Variants in SHROOM2 observed in about 807,000 individuals in gnomAD.
The protein encoded by SHROOM2 is protein Shroom2.
SHROOM2 carries 33 observed loss-of-function variants against 75.9 expected under a neutral mutation model. The observed-to-expected ratio is 0.43, with a 90% CI of 0.33 to 0.58. The LOEUF (loss-of-function observed/expected upper bound fraction) is 0.58, where lower values mean the gene tolerates loss of function less well. Among genes scored for constraint, SHROOM2 ranks in the 20% least tolerant of loss-of-function variants. SHROOM2 has a pLI of 0.04. For missense variants in SHROOM2, 1,434 were observed against 1,461.2 expected (o/e 0.98, Z 0.30); for synonymous variants, 655 against 663.6 (o/e 0.99, Z 0.20).
chrX:9,854,552 T>C (rs2084056721), intron 1 of SHROOM2, among the ~76,000 whole-genome samples: 1 of 112,484 alleles, frequency 8.9e-6, no homozygotes, highest in Admixed American at 9.4e-5. Context: ...ATTCCAGCCC[T>C]GCTGTTCTTG....
In SHROOM2 at chrX:9,930,515, A is replaced by G. The variant is rs1171374810; in HGVS notation, c.2892-1660A>G. Among the ~76,000 whole-genome samples, 11 of 102,608 alleles carry G rather than the reference A, an allele frequency of 1.1e-4. No individual in the cohort carries two copies. In the East Asian group the frequency reaches 1.4e-3, roughly 13 times the overall value. 89.1% of individuals were successfully genotyped at this position (102,608 alleles called of 115,157 possible). A position where few individuals can be genotyped will look rare whatever the true frequency, so the allele number is the denominator to read the frequency against. On this transcript the variant is annotated intron_variant, in intron 5 of 9. Transcript: ENST00000380913. ...GAGTAAGACCCTGTCTCAAAAAAAA[A>G]AAAAGAAAAGAAAGAAAGAAAGAAA... is the stretch of plus-strand genomic sequence containing the variant.
chrX:9,939,515 T>C, intron 8 of SHROOM2, 149 bp downstream of exon 8: 2 of 448,486 alleles, frequency 4.5e-6, no homozygotes, highest in South Asian at 1.0e-4. Flanking sequence ...GAATTTGAGG[T>C]GATATTAGTG....
chrX:9,837,974 G>C (rs1291649009), intron 1 of SHROOM2, among the ~76,000 whole-genome samples: 1 of 110,549 alleles, frequency 9.0e-6, no homozygotes, highest in Admixed American at 9.7e-5. Context: ...CTGGAATTGG[G>C]TGGTCCTGGA....
intron 1 of SHROOM2, among the ~76,000 whole-genome samples, chrX:9,857,770 C>T (rs766177824): frequency 4.5e-5 from 5 of 111,051 alleles, no homozygotes; most frequent in Admixed American, 9.5e-5. Flanking sequence ...CCCGAAATTC[C>T]AGATTTTCAG....
intron 1 of SHROOM2, among the ~76,000 whole-genome samples, chrX:9,851,290 TGA>T (rs1320174065): frequency 9.0e-6 from 1 of 111,198 alleles, no homozygotes; most frequent in East Asian, 2.8e-4. Context: ...ATTATAGGTG[TGA>T]GCCACCATGC....
chrX:9,877,271 GT>G (rs2084206058), intron 2 of SHROOM2, among the ~76,000 whole-genome samples: 2 of 111,713 alleles, frequency 1.8e-5, no homozygotes, highest in Admixed American at 9.5e-5. Flanking sequence ...GCCCAGGGCA[GT>G]GGGAGCTGGA....
chrX:9,834,296 G>A (rs978653805), intron 1 of SHROOM2, among the ~76,000 whole-genome samples: 2 of 112,418 alleles, frequency 1.8e-5, no homozygotes, highest in Non-Finnish European at 3.8e-5. Flanking sequence ...CTGTCAGGAG[G>A]AGGTGGTGTC....
At position 9,937,164 on chromosome X, in the gene SHROOM2, G is replaced by A. The variant is rs150051019; in HGVS notation, c.3618G>A (p.Thr1206=). 29 of 1,198,825 alleles carry A rather than the reference G, an allele frequency of 2.4e-5. No individual in the cohort carries two copies. In the East Asian group the frequency reaches 4.5e-4, roughly 19 times the overall value. ...RIERVMDNNT[T]VKMVPIKIVH... ...AGCGGGTGATGGACAACAACACCAC[G>A]GTGAAGATGGTGCCCATCAAGATCG... The change falls in exon 7 of 10, where the codon ACG becomes ACA. Residue 1206 remains threonine (T), a synonymous_variant. Transcript: ENST00000380913.
chrX:9,908,195 C>A (rs1186039571), intron 5 of SHROOM2, among the ~76,000 whole-genome samples: 1 of 112,729 alleles, frequency 8.9e-6, no homozygotes, highest in Non-Finnish European at 1.9e-5. Context: ...CAGGAGCACG[C>A]AGGATGCTGG....
chrX:9,874,435 A>C (rs937864637), intron 2 of SHROOM2, among the ~76,000 whole-genome samples: 1 of 112,413 alleles, frequency 8.9e-6, no homozygotes, highest in Non-Finnish European at 1.9e-5. Context: ...CTTGGTTTTA[A>C]AGTTGGCTTA....
At chrX:9,927,389 A>AG (rs2084606040) in intron 5 of SHROOM2, among the ~76,000 whole-genome samples, 1 of 81,269 alleles carries the variant, frequency 1.2e-5, no homozygotes, top group Non-Finnish European at 2.4e-5. Flanking sequence ...AAAAAAAAAA[A>AG]GTAGGTGAGG....
intron 8 of SHROOM2, among the ~76,000 whole-genome samples, chrX:9,943,909 C>T (rs989224336): frequency 2.7e-5 from 3 of 110,493 alleles, no homozygotes; most frequent in Admixed American, 9.6e-5. Context: ...AGGCCAGGCC[C>T]GGTGGCTCAC....
intron 5 of SHROOM2, among the ~76,000 whole-genome samples, chrX:9,926,669 G>A (rs928236832): frequency 1.8e-5 from 2 of 111,937 alleles, no homozygotes; most frequent in African/African-American, 6.5e-5. Flanking sequence ...TACAGATTGT[G>A]CACATGGGTG....
rs766531070 is a variant in SHROOM2 at position 9,846,154 on chromosome X, C to T, written c.166-27498C>T. ...TTGGTTTTTGAGACAGGATCTCACTCTGTTGCCCAGGCTGGAGTACAGTGG... is the reference window on the plus strand; with the variant it reads ...TTGGTTTTTGAGACAGGATCTCACTTTGTTGCCCAGGCTGGAGTACAGTGG... On this transcript the variant is annotated intron_variant, in intron 1 of 9. Coordinates refer to ENST00000380913, the MANE Select transcript of SHROOM2 (RefSeq NM_001649.4). 5.5e-5 allele frequency among the ~76,000 whole-genome samples: 6 copies of T among 109,835 alleles called. No individual in the cohort carries two copies. The East Asian group carries it at 1.7e-3, about 31-fold the overall frequency.
chrX:9,894,653 G>A lies in SHROOM2; in HGVS notation c.745G>A (p.Gly249Ser). ...VGLWEAPRQG[G>S]RQAQAAGDPQ... ...CCTCTGGGAGGCTCCCAGGCAGGGT[G>A]GCCGGCAGGCCCAGGCCGCAGGCGA... Residue 249 changes from glycine to serine, a missense_variant, in exon 4 of 10, where the codon GGC becomes AGC. Around this residue, in one of 3 missense-constraint regions of SHROOM2, gnomAD observed 1,340 missense variants for 1,338.3 expected, o/e 1.00. Transcript: ENST00000380913. 8.3e-7 allele frequency: 1 copy of A among 1,211,603 alleles called. No individual in the cohort carries two copies.
intron 2 of SHROOM2, among the ~76,000 whole-genome samples, chrX:9,882,510 T>G (rs950562871): frequency 2.7e-5 from 3 of 111,749 alleles, no homozygotes; most frequent in Admixed American, 9.5e-5. Context: ...TTTCCTTTTC[T>G]TTCCAACAGT....
At chrX:9,797,295 G>A in intron 1 of SHROOM2, among the ~76,000 whole-genome samples, 1 of 112,536 alleles carries the variant, frequency 8.9e-6, no homozygotes, top group Admixed American at 9.4e-5. Flanking sequence ...GAGTTCATCA[G>A]CGTGGATCCC....
chrX:9,927,306 C>T (rs756135747), intron 5 of SHROOM2, among the ~76,000 whole-genome samples: 2 of 94,595 alleles, frequency 2.1e-5, no homozygotes. Flanking sequence ...CCCGTGATCA[C>T]GCTGCTGCAC....
rs1201025766 is a variant in SHROOM2 at position 9,894,688 on chromosome X, C to T, written c.780C>T (p.Gly260=). 1 of 1,210,123 alleles carries T rather than the reference C, an allele frequency of 8.3e-7. No individual in the cohort carries two copies. The change falls in exon 4 of 10, where the codon GGC becomes GGT. Residue 260 remains glycine, a synonymous_variant. Transcript: ENST00000380913. ...RQAQAAGDPQ[G]SEEKLSCFPP... ...CCCAGGCCGCAGGCGACCCTCAGGG[C>T]TCGGAGGAGAAGCTCAGTTGTTTCC... is the stretch of plus-strand genomic sequence containing the variant.
Sources: gnomAD v4.1 joint callset for allele counts (sites outside exome capture counted in the v4.1 genomes callset) on GRCh38, gnomAD v4.1.1 for gene constraint, gnomAD v4.1.1 regional missense constraint, MANE v1.5 for transcripts, NCBI Gene and HGNC (gene_info 2026-07-23, HGNC 2026-07-21) for gene names.